MYT1: variants seen among roughly 807,000 people sequenced by gnomAD.
The protein encoded by MYT1 is myelin transcription factor 1.
In MYT1, 23 loss-of-function variants were observed where a neutral mutation model predicts 123.0. That is an observed-to-expected ratio of 0.19 (90% CI 0.13 to 0.26). The LOEUF (loss-of-function observed/expected upper bound fraction) is 0.26. Ranked by LOEUF, MYT1 falls within the 10% of genes least tolerant of loss-of-function variation. The pLI, the probability that MYT1 is intolerant of heterozygous loss-of-function variation, is 1.00. For missense variants in MYT1, 1,125 were observed against 1,472.5 expected (o/e 0.76, Z 3.86); for synonymous variants, 518 against 575.3 (o/e 0.90, Z 1.43).
At chr20:64,236,699 G>A (rs1375400906) in intron 20 of MYT1, 53 bp downstream of exon 20, 1 of 1,482,658 alleles carries the variant, frequency 6.7e-7, no homozygotes, top group Non-Finnish European at 9.4e-7. Context: ...CAGGGTAAGT[G>A]AGAGCTGTGC....
At position 64,205,800 on chromosome 20, in the gene MYT1, G is replaced by T; in HGVS notation, c.397G>T (p.Gly133Ter). 6.2e-7 allele frequency: 1 copy of T among 1,613,100 alleles called. No homozygotes were observed. The highest frequency in any genetic ancestry group is 8.5e-7 in the Non-Finnish European group (1 of 1,179,406). ...DEIHRPETAE[G>*]RSPVKSHFGS... Reference sequence around the variant, plus strand: ...GATTCATCGCCCCGAGACAGCTGAAGGTGCTTTGTCGCTCTTTCTTCCCCG... The same window carrying T: ...GATTCATCGCCCCGAGACAGCTGAATGTGCTTTGTCGCTCTTTCTTCCCCG... Residue 133 changes from glycine (G) to a stop codon, truncating the protein, a stop_gained and splice_region_variant, in exon 6 of 23, where the codon GGA becomes TGA. Coordinates refer to ENST00000328439, the MANE Select transcript of MYT1 (RefSeq NM_004535.3). LOFTEE classifies it high-confidence loss of function.
intron 18 of MYT1, among the ~76,000 whole-genome samples, chr20:64,230,053 C>G (rs991210582): frequency 6.6e-6 from 1 of 152,184 alleles, no homozygotes; most frequent in Non-Finnish European, 1.5e-5. Flanking sequence ...GCCCCAGCAC[C>G]TCTCAACATG....
chr20:64,229,086 G>C (rs1248615776), intron 18 of MYT1, among the ~76,000 whole-genome samples: 3 of 152,256 alleles, frequency 2.0e-5, no homozygotes, highest in Non-Finnish European at 4.4e-5. Flanking sequence ...ACATCCTTCA[G>C]ACGGGGATGG....
rs138370226 is a variant in MYT1 at position 64,171,461 on chromosome 20, C to T, written c.-99+6722C>T. Among the ~76,000 whole-genome samples the T allele has an allele frequency of 1.2e-3, 180 of 152,350 alleles. 2 individuals are homozygous for T. Among genetic ancestry groups the T allele is most frequent in the African/African-American group, 4.3e-3 (178 of 41,566 alleles). ...CTTCCCTGTGGAGTGTCACCCACAC[C>T]GGTGGCCTGGGCTTTGTCTGGCTGC... On this transcript the variant is annotated intron_variant, in intron 1 of 22. Transcript: ENST00000328439.
In MYT1 at chr20:64,205,710, T is replaced by A. The variant is rs1983469467; in HGVS notation, c.307T>A (p.Ser103Thr). ...TGAGGACACTGAGGTGAAGGACGCC[T>A]CTGTTTCGGATGAATCGGAAGGAAC... Reference protein sequence around the residue: ...GSEDTEVKDASVSDESEGTLE... With the variant: ...GSEDTEVKDATVSDESEGTLE... Residue 103 changes from serine to threonine, a missense_variant, in exon 6 of 23, where the codon TCT becomes ACT. This residue lies in a region of MYT1 where 406 missense variants were observed against 432.2 expected (regional missense o/e 0.94). Coordinates refer to ENST00000328439, the MANE Select transcript of MYT1 (RefSeq NM_004535.3). 2.5e-6 allele frequency: 4 copies of A among 1,614,018 alleles called. No homozygotes were observed. Among genetic ancestry groups the A allele is most frequent in the Non-Finnish European group, 3.4e-6 (4 of 1,180,026 alleles).
chr20:64,218,550 C>A lies in MYT1; in HGVS notation c.1847-361C>A, dbSNP rs554571280. ...GACAAGTTATTTTTGTTTGAAATAT[C>A]AGGGCTGCTGGAATGTCTTGGAGGC... On this transcript the variant is annotated intron_variant, in intron 11 of 22. Transcript: ENST00000328439. The surrounding 1 kb of genome is among the most constrained non-coding windows in gnomAD (Gnocchi z 4.0). Among the ~76,000 whole-genome samples the A allele has an allele frequency of 2.2e-4, 34 of 152,298 alleles. No individual in the cohort carries two copies. In the South Asian group the frequency reaches 7.0e-3, roughly 32 times the overall value.
intron 1 of MYT1, among the ~76,000 whole-genome samples, chr20:64,170,884 T>TATATAGAGAGAG (rs1569303821): frequency 5.0e-4 from 10 of 20,010 alleles, no homozygotes; most frequent in East Asian, 2.5e-3. Context: ...TATATATATA[T>TATATAGAGAGAG]AGAGAGAGAG....
chr20:64,181,864 A>G (rs1309171345), intron 1 of MYT1, among the ~76,000 whole-genome samples: 2 of 152,108 alleles, frequency 1.3e-5, no homozygotes, highest in East Asian at 3.9e-4. Flanking sequence ...TGTGACATGG[A>G]TGTGAGTCTG....
chr20:64,213,462 C>T lies in MYT1; in HGVS notation c.1518-72C>T. The T allele has an allele frequency of 3.2e-6, 4 of 1,232,248 alleles. No homozygotes were observed. Among genetic ancestry groups the T allele is most frequent in the Non-Finnish European group, 4.7e-6 (4 of 844,604 alleles). The allele number at this position is 1,232,248 out of a possible 1,614,324, so 76.3% of individuals were successfully genotyped here. A position where few individuals can be genotyped will look rare whatever the true frequency, so the allele number is the denominator to read the frequency against. The stretch of plus-strand genomic sequence containing the variant: ...GAATGACCTTGCCGTGAGACACCCA[C>T]ACACACAGACACCCAGGACAGGACA... On this transcript the variant is annotated intron_variant, in intron 9 of 22. Coordinates refer to ENST00000328439, the MANE Select transcript of MYT1 (RefSeq NM_004535.3). This position sits in a 1 kb window ranked among gnomAD's most constrained non-coding sequence, Gnocchi z 5.6.
At chr20:64,205,182 CT>C in intron 5 of MYT1, 85 bp downstream of exon 5, 1 of 1,491,170 alleles carries the variant, frequency 6.7e-7, no homozygotes, top group Non-Finnish European at 9.3e-7. Flanking sequence ...AACTTTCCAT[CT>C]TTTTCCATGG....
intron 2 of MYT1, among the ~76,000 whole-genome samples, chr20:64,197,765 C>G (rs762130147): frequency 1.1e-4 from 16 of 152,254 alleles, no homozygotes; most frequent in Non-Finnish European, 2.2e-4. Context: ...CATGTCCTTT[C>G]TGTGATTGTC....
Position 64,217,121 on chromosome 20 carries a change from C to T in MYT1, c.1686C>T (p.Pro562=), listed in dbSNP as rs775250828. The part of the protein sequence containing the change: ...LEVPPYGSYR[P]NVAPATPRAN... ...TCCCTCCATATGGGAGCTACCGGCC[C>T]AACGTGGCCCCCGCCACACCCAGGG... The change falls in exon 11 of 23, where the codon CCC becomes CCT. Residue 562 remains proline (P), a synonymous_variant. Coordinates refer to ENST00000328439, the MANE Select transcript of MYT1 (RefSeq NM_004535.3). 1.2e-6 allele frequency: 2 copies of T among 1,613,956 alleles called. No homozygotes were observed. Among genetic ancestry groups the T allele is most frequent in the Non-Finnish European group, 1.7e-6 (2 of 1,180,026 alleles).
At chr20:64,236,734 G>A in intron 20 of MYT1, 88 bp downstream of exon 20, 1 of 1,184,222 alleles carries the variant, frequency 8.4e-7, no homozygotes, top group South Asian at 1.3e-5. Flanking sequence ...TGGGAAGAAG[G>A]TTAGGGAGAT....
rs954423326 is a variant in MYT1, at chr20:64,169,611, G to T, written c.-99+4872G>T. On this transcript the variant is annotated intron_variant, in intron 1 of 22. Coordinates refer to ENST00000328439, the MANE Select transcript of MYT1 (RefSeq NM_004535.3). ...CCAGTTACTGCTGACTGAATACTTG[G>T]TTGTCAGTCGCTCGTCAGCATGTGG... Among the ~76,000 whole-genome samples the T allele has an allele frequency of 2.6e-5, 4 of 152,164 alleles. No homozygotes were observed. The East Asian group carries it at 7.7e-4, about 29-fold the overall frequency.
chr20:64,205,842 T>C, intron 6 of MYT1, 42 bp downstream of exon 6: 1 of 1,602,778 alleles, frequency 6.2e-7, no homozygotes, highest in Non-Finnish European at 8.5e-7. Flanking sequence ...GGGCGCTTAG[T>C]GTGGCCCTGG....
intron 4 of MYT1, among the ~76,000 whole-genome samples, chr20:64,201,597 A>G (rs771905447): frequency 1.2e-4 from 18 of 152,256 alleles, no homozygotes; most frequent in Non-Finnish European, 1.9e-4. Flanking sequence ...TCACGTGGGC[A>G]TGCCTGTGGC....
At chr20:64,173,698 CTT>C (rs1982366420) in intron 1 of MYT1, among the ~76,000 whole-genome samples, 1 of 63,496 alleles carries the variant, frequency 1.6e-5, no homozygotes. Context: ...AGCATCTTTC[CTT>C]GTAGTTGTGT....
chr20:64,178,514 G>A (rs1436879983), intron 1 of MYT1, among the ~76,000 whole-genome samples: 2 of 152,094 alleles, frequency 1.3e-5, no homozygotes, highest in Admixed American at 1.3e-4. Flanking sequence ...TGGGAGCACT[G>A]AGCCGTTATT....
At position 64,193,901 on chromosome 20, in the gene MYT1, A is replaced by C. The variant is rs1476658688; in HGVS notation, c.-1+3741A>C. ...GCTGTCAGAACACATTTTAAATAAA[A>C]TAAAACACTACCGTGTCTCCTTCTC... On this transcript the variant is annotated intron_variant, in intron 2 of 22. Coordinates refer to ENST00000328439, the MANE Select transcript of MYT1 (RefSeq NM_004535.3). The surrounding 1 kb of genome is among the most constrained non-coding windows in gnomAD (Gnocchi z 4.0). Among the ~76,000 whole-genome samples the C allele has an allele frequency of 1.3e-5, 2 of 152,184 alleles. No homozygotes were observed. The highest frequency in any genetic ancestry group is 2.9e-5 in the Non-Finnish European group (2 of 68,032).
Sources: gnomAD v4.1 joint callset for allele counts (sites outside exome capture counted in the v4.1 genomes callset) on GRCh38, gnomAD v4.1.1 for gene constraint, gnomAD v4.1.1 regional missense constraint, Gnocchi (gnomAD v3.1) non-coding constraint, MANE v1.5 for transcripts, NCBI Gene and HGNC (gene_info 2026-07-23, HGNC 2026-07-21) for gene names.